Variants in KCNIP4 observed in about 807,000 individuals in gnomAD.
KCNIP4 encodes potassium voltage-gated channel interacting protein 4.
KCNIP4 carries 12 observed loss-of-function variants against 34.0 expected under a neutral mutation model. That is an observed-to-expected ratio of 0.35 (90% CI 0.23 to 0.57). The LOEUF is 0.57. Ranked by LOEUF, KCNIP4 falls within the 20% of genes least tolerant of loss-of-function variation. The pLI, the probability that KCNIP4 is intolerant of heterozygous loss-of-function variation, is 0.83. For synonymous variants in KCNIP4, 124 were observed against 102.2 expected, an observed-to-expected ratio of 1.21 and a Z score of -1.29; for missense variants, 238 against 311.7, an observed-to-expected ratio of 0.76 and a Z score of 1.78.
chr4:21,122,550 G>A (rs1356020310), intron 1 of KCNIP4, among the ~76,000 whole-genome samples: 1 of 151,376 alleles, frequency 6.6e-6, no homozygotes, highest in Non-Finnish European at 1.5e-5. Flanking sequence ...TTAGCCCAGT[G>A]GAAATGGAAA....
At chr4:20,834,555 C>A (rs2149462588) in intron 3 of KCNIP4, among the ~76,000 whole-genome samples, 1 of 152,260 alleles carries the variant, frequency 6.6e-6, no homozygotes, top group Admixed American at 6.5e-5. Context: ...ACATTGGAAG[C>A]ATGAGAAGGA....
chr4:21,724,056 G>T (rs1715015338), intron 1 of KCNIP4, among the ~76,000 whole-genome samples: 1 of 152,048 alleles, frequency 6.6e-6, no homozygotes, highest in Non-Finnish European at 1.5e-5. Flanking sequence ...TGGAGAGAAG[G>T]CTCCAAGCAG....
chr4:21,251,245 T>C (rs911708852), intron 1 of KCNIP4, among the ~76,000 whole-genome samples: 2 of 152,194 alleles, frequency 1.3e-5, no homozygotes, highest in African/African-American at 2.4e-5. Context: ...TATTGTAGAG[T>C]AAGGCAGAAA....
At chr4:21,209,634 T>G (rs1757093402) in intron 1 of KCNIP4, among the ~76,000 whole-genome samples, 1 of 152,184 alleles carries the variant, frequency 6.6e-6, no homozygotes, top group Non-Finnish European at 1.5e-5. Flanking sequence ...TATTTATCTA[T>G]CTATCTATCA....
rs140694683 is a variant in KCNIP4, at chr4:20,920,151, G to A, written c.62-37442C>T. On this transcript the variant is annotated intron_variant, in intron 1 of 8. Transcript: ENST00000382152. ...AATATCAAATTATATGCAATTAGACGCAATTTCTAAGAGATATGAGGGAGA... is the reference window on the plus strand; with the variant it reads ...AATATCAAATTATATGCAATTAGACACAATTTCTAAGAGATATGAGGGAGA... Among the ~76,000 whole-genome samples, 625 of 152,042 alleles carry A rather than the reference G, an allele frequency of 4.1e-3. 2 individuals carry two copies. Among genetic ancestry groups the A allele is most frequent in the African/African-American group, 0.014 (589 of 41,450 alleles).
chr4:20,963,618 T>C (rs937681341), intron 1 of KCNIP4, among the ~76,000 whole-genome samples: 3 of 151,986 alleles, frequency 2.0e-5, no homozygotes, highest in Non-Finnish European at 2.9e-5. Flanking sequence ...AGAGAAGAAA[T>C]GCAATAAACA....
intron 1 of KCNIP4, among the ~76,000 whole-genome samples, chr4:21,552,447 A>G (rs981844276): frequency 3.3e-5 from 5 of 152,286 alleles, no homozygotes; most frequent in African/African-American, 1.2e-4. Flanking sequence ...TTGCCTTACA[A>G]GAACTATTTT....
At chr4:21,211,156 G>A (rs1484078542) in intron 1 of KCNIP4, among the ~76,000 whole-genome samples, 2 of 152,114 alleles carry the variant, frequency 1.3e-5, no homozygotes, top group Non-Finnish European at 2.9e-5. Context: ...TTCACCAGGT[G>A]ATCTTTCAGA....
At chr4:21,389,636 CT>C in intron 1 of KCNIP4, among the ~76,000 whole-genome samples, 1 of 151,732 alleles carries the variant, frequency 6.6e-6, no homozygotes, top group Non-Finnish European at 1.5e-5. Flanking sequence ...TGAACTCATC[CT>C]TTTTTATGGC....
chr4:21,702,983 C>T (rs898794160), intron 1 of KCNIP4, among the ~76,000 whole-genome samples: 4 of 77,000 alleles, frequency 5.2e-5, no homozygotes, highest in East Asian at 2.2e-4. Context: ...TATTATCAGG[C>T]CCCCCACAAA....
At chr4:21,071,429 C>G (rs1045958108) in intron 1 of KCNIP4, among the ~76,000 whole-genome samples, 5 of 151,984 alleles carry the variant, frequency 3.3e-5, no homozygotes, top group Admixed American at 3.3e-4. Context: ...TTTTTGGGTT[C>G]TTTGTTCTGT....
chr4:21,238,195 A>G (rs1297756358), intron 1 of KCNIP4, among the ~76,000 whole-genome samples: 1 of 152,080 alleles, frequency 6.6e-6, no homozygotes, highest in African/African-American at 2.4e-5. Context: ...CATGCTAAAA[A>G]CTCTCAATAA....
At chr4:20,801,278 G>A (rs931808640) in intron 3 of KCNIP4, among the ~76,000 whole-genome samples, 1 of 147,370 alleles carries the variant, frequency 6.8e-6, no homozygotes, top group African/African-American at 2.5e-5. Context: ...AAGTGCTTAA[G>A]GAAGTTTTTC....
At position 21,647,870 on chromosome 4, in the gene KCNIP4, T is replaced by C. The variant is rs1488580450; in HGVS notation, c.61+300701A>G. ...CATTCTGCTACAATGATGCTTTTTT[T>C]TTTTTTTTTTTTTTTTTTTTTTAGA... On this transcript the variant is annotated intron_variant, in intron 1 of 8. Transcript: ENST00000382152. Among the ~76,000 whole-genome samples the C allele has an allele frequency of 5.3e-3, 714 of 134,372 alleles. 7 individuals carry two copies. The highest frequency in any genetic ancestry group is 0.019 in the African/African-American group (666 of 34,828). The allele number at this position is 134,372 out of a possible 152,430, so 88.2% of individuals were successfully genotyped here. A position where few individuals can be genotyped will look rare whatever the true frequency, so the allele number is the denominator to read the frequency against.
intron 1 of KCNIP4, among the ~76,000 whole-genome samples, chr4:20,963,614 G>C (rs1430404101): frequency 6.6e-6 from 1 of 152,082 alleles, no homozygotes; most frequent in African/African-American, 2.4e-5. Context: ...TTTAAGAGAA[G>C]AAATGCAATA....
intron 1 of KCNIP4, among the ~76,000 whole-genome samples, chr4:21,789,070 C>CAAAAAAAAAAAAAAAAAAAAAA (rs35630701): frequency 1.1e-5 from 1 of 93,942 alleles, no homozygotes; most frequent in Non-Finnish European, 2.0e-5. Flanking sequence ...GAGATTCTGT[C>CAAAAAAAAAAAAAAAAAAAAAA]AAAAAAAAAA....
rs71655634 is a variant in KCNIP4, at chr4:21,432,091, CAT to C, written c.61+516478_61+516479del. Among the ~76,000 whole-genome samples, 271 of 36,286 alleles carry C rather than the reference CAT, an allele frequency of 7.5e-3. 1 individual carries two copies. The highest frequency in any genetic ancestry group is 0.011 in the Admixed American group (20 of 1,810). The allele number at this position is 36,286 out of a possible 152,430, so 23.8% of individuals were successfully genotyped here. ...TGTATTCAATGTGTGAAAATGGAAG[CAT>C]ATATATATATATATATATATATATA... On this transcript the variant is annotated intron_variant, in intron 1 of 8. Transcript: ENST00000382152.
At position 21,329,126 on chromosome 4, in the gene KCNIP4, CA is replaced by C. The variant is rs138670543; in HGVS notation, c.62-446418del. On this transcript the variant is annotated intron_variant, in intron 1 of 8. Transcript: ENST00000382152. ...AATAAACCTAACATCTGAATAATTT[CA>C]ATAAGTGCTAAGTCTGTGTAAAACA... Among the ~76,000 whole-genome samples the C allele has an allele frequency of 4.4e-3, 667 of 152,336 alleles. 6 individuals carry two copies. Among genetic ancestry groups the C allele is most frequent in the African/African-American group, 0.015 (632 of 41,590 alleles).
intron 3 of KCNIP4, among the ~76,000 whole-genome samples, chr4:20,814,828 G>C (rs1001011952): frequency 2.0e-5 from 3 of 152,280 alleles, no homozygotes; most frequent in Admixed American, 1.3e-4. Context: ...TTATTTCTCA[G>C]CAATGGGCTC....
Sources: allele counts gnomAD v4.1 joint callset (sites outside exome capture counted in the v4.1 genomes callset), GRCh38; gene constraint gnomAD v4.1.1; transcripts MANE v1.5; gene names NCBI Gene and HGNC (gene_info 2026-07-23, HGNC 2026-07-21).